RORB: variants seen among roughly 807,000 people sequenced by gnomAD.
The protein encoded by RORB is nuclear receptor ROR-beta.
In RORB, 6 loss-of-function variants were observed where a neutral mutation model predicts 59.1. That is an observed-to-expected ratio of 0.10 (90% confidence interval 0.06 to 0.20). The LOEUF (loss-of-function observed/expected upper bound fraction) is 0.20. Among genes scored for constraint, RORB ranks in the 10% least tolerant of loss-of-function variants. RORB has a pLI of 1.00. For synonymous variants in RORB, 215 were observed against 204.5 expected (o/e 1.05, Z -0.44); for missense variants, 320 against 560.5 (o/e 0.57, Z 4.33).
intron 1 of RORB, among the ~76,000 whole-genome samples, chr9:74,613,117 T>C (rs1823257289): frequency 1.3e-5 from 2 of 152,282 alleles, no homozygotes; most frequent in East Asian, 3.9e-4. Flanking sequence ...ACAGCCAAAA[T>C]GCATATCTCC....
chr9:74,647,053 G>C (rs771612925), intron 4 of RORB, among the ~76,000 whole-genome samples: 2 of 152,078 alleles, frequency 1.3e-5, no homozygotes, highest in African/African-American at 2.4e-5. Flanking sequence ...TAAAACCATA[G>C]GAAAAAGAAG....
intron 1 of RORB, among the ~76,000 whole-genome samples, chr9:74,598,533 A>G (rs187714428): frequency 2.6e-5 from 4 of 152,310 alleles, no homozygotes; most frequent in African/African-American, 9.6e-5. Flanking sequence ...ATATTTGTAT[A>G]TATTTGTGGG....
intron 1 of RORB, among the ~76,000 whole-genome samples, chr9:74,612,562 G>A (rs1217349988): frequency 2.0e-5 from 3 of 152,090 alleles, no homozygotes; most frequent in Non-Finnish European, 2.9e-5. Context: ...TTGTTTCTAG[G>A]CGACAAGCAT....
intron 1 of RORB, among the ~76,000 whole-genome samples, chr9:74,520,617 G>T (rs1826072908): frequency 6.6e-6 from 1 of 151,616 alleles, no homozygotes; most frequent in Admixed American, 6.6e-5. Flanking sequence ...AAATTACCAG[G>T]TTCTTAACTG....
intron 1 of RORB, among the ~76,000 whole-genome samples, chr9:74,571,409 A>AT (rs1563940631): frequency 6.6e-6 from 1 of 151,848 alleles, no homozygotes; most frequent in African/African-American, 2.4e-5. Flanking sequence ...TTTAAAAAAA[A>AT]AAAAAAAACA....
At chr9:74,503,973 G>T (rs1825836229) in intron 1 of RORB, among the ~76,000 whole-genome samples, 1 of 152,020 alleles carries the variant, frequency 6.6e-6, no homozygotes, top group South Asian at 2.1e-4. Context: ...TAACCATGTG[G>T]TTAACTAATG....
At chr9:74,661,442 A>G (rs1398479832) in intron 5 of RORB, among the ~76,000 whole-genome samples, 1 of 152,170 alleles carries the variant, frequency 6.6e-6, no homozygotes, top group Non-Finnish European at 1.5e-5. Context: ...ACTAAATCTC[A>G]GTACTTTTAT....
At chr9:74,510,096 C>T (rs1825915811) in intron 1 of RORB, among the ~76,000 whole-genome samples, 2 of 152,060 alleles carry the variant, frequency 1.3e-5, no homozygotes, top group Admixed American at 1.3e-4. Flanking sequence ...GTAAACTGTA[C>T]TATAAAAAAC....
At chr9:74,605,883 T>G (rs865779389) in intron 1 of RORB, among the ~76,000 whole-genome samples, 5 of 152,174 alleles carry the variant, frequency 3.3e-5, no homozygotes, top group African/African-American at 1.2e-4. Context: ...CACAGATTGC[T>G]ATCATGTTCA....
At chr9:74,610,270 T>A (rs1451735654) in intron 1 of RORB, among the ~76,000 whole-genome samples, 1 of 152,218 alleles carries the variant, frequency 6.6e-6, no homozygotes, top group Non-Finnish European at 1.5e-5. Context: ...TGTAAATCTC[T>A]TGGGAATCAG....
Position 74,579,369 on chromosome 9 carries a change from C to CT in RORB, c.8-50905dup, listed in dbSNP as rs572396719. The stretch of plus-strand genomic sequence containing the variant: ...TACTTTCACAGTTTTATATTTCTTT[C>CT]TTTTTTTTCTATTTGTCTGTTTTAA... On this transcript the variant is annotated intron_variant, in intron 1 of 9. Transcript: ENST00000376896. Among the ~76,000 whole-genome samples the CT allele has an allele frequency of 1.7e-3, 255 of 151,922 alleles. 2 individuals are homozygous for CT. The highest frequency in any genetic ancestry group is 5.4e-3 in the African/African-American group (222 of 41,484).
At chr9:74,639,169 G>T (rs2118450154) in intron 3 of RORB, among the ~76,000 whole-genome samples, 1 of 152,326 alleles carries the variant, frequency 6.6e-6, no homozygotes, top group South Asian at 2.1e-4. Flanking sequence ...GGATGACCAA[G>T]GAGGTCTGGC....
intron 1 of RORB, among the ~76,000 whole-genome samples, chr9:74,565,823 A>G (rs1320842034): frequency 6.6e-6 from 1 of 152,116 alleles, no homozygotes; most frequent in Admixed American, 6.6e-5. Context: ...TTCATCATCT[A>G]TACTTAGACT....
intron 1 of RORB, among the ~76,000 whole-genome samples, chr9:74,504,633 A>G (rs1825844205): frequency 6.6e-6 from 1 of 152,044 alleles, no homozygotes; most frequent in South Asian, 2.1e-4. Context: ...TAGTTATGAT[A>G]TCATGTGGTC....
intron 1 of RORB, among the ~76,000 whole-genome samples, chr9:74,585,935 C>T (rs1397131438): frequency 6.6e-6 from 1 of 151,862 alleles, no homozygotes; most frequent in East Asian, 2.0e-4. Context: ...GCTGGGACTA[C>T]AGGCGCGTGC....
At chr9:74,539,827 T>C (rs1826376662) in intron 1 of RORB, among the ~76,000 whole-genome samples, 1 of 150,070 alleles carries the variant, frequency 6.7e-6, no homozygotes, top group Non-Finnish European at 1.5e-5. Context: ...ACCTTAAGTT[T>C]CGTTGTTAAA....
chr9:74,561,625 G>A (rs112076919), intron 1 of RORB, among the ~76,000 whole-genome samples: 43 of 152,192 alleles, frequency 2.8e-4, no homozygotes, highest in African/African-American at 1.0e-3. Context: ...ATAGGAAGGT[G>A]CAAAAATAGT....
chr9:74,522,964 T>C (rs1044816039), intron 1 of RORB, among the ~76,000 whole-genome samples: 28 of 151,914 alleles, frequency 1.8e-4, no homozygotes, highest in African/African-American at 6.8e-4. Context: ...ATTTATAGGA[T>C]AGGGATGGTG....
At chr9:74,550,856 T>C (rs549501392) in intron 1 of RORB, among the ~76,000 whole-genome samples, 1 of 152,204 alleles carries the variant, frequency 6.6e-6, no homozygotes, top group Admixed American at 6.5e-5. Flanking sequence ...CCAGTCCAAA[T>C]TGACATGTTC....
Sources: gnomAD v4.1 joint callset for allele counts (sites outside exome capture counted in the v4.1 genomes callset) on GRCh38, gnomAD v4.1.1 for gene constraint, MANE v1.5 for transcripts, NCBI Gene and HGNC (gene_info 2026-07-23, HGNC 2026-07-21) for gene names.